ARHGAP6: variants seen among roughly 807,000 people sequenced by gnomAD.
The protein encoded by ARHGAP6 is rho GTPase-activating protein 6.
In ARHGAP6, 16 loss-of-function variants were observed where a neutral mutation model predicts 55.7. That is an observed-to-expected ratio of 0.29 (90% CI 0.19 to 0.44). The LOEUF is 0.44. ARHGAP6 is among the 20% of genes least tolerant of loss of function. The pLI, the probability that ARHGAP6 is intolerant of heterozygous loss-of-function variation, is 1.00. For synonymous variants in ARHGAP6, 382 were observed against 360.9 expected (o/e 1.06, Z -0.66); for missense variants, 698 against 808.9 (o/e 0.86, Z 1.66).
Position 11,460,403 on chromosome X carries a change from A to G in ARHGAP6, c.588+203838T>C, listed in dbSNP as rs979704064. ...GAAGATGAGACAGCAGCCCTGGCTG[A>G]TACGTTCACTTAGGGTCATAGGACC... On this transcript the variant is annotated intron_variant, in intron 1 of 12. Coordinates refer to ENST00000337414, the MANE Select transcript of ARHGAP6 (RefSeq NM_013427.3). Among the ~76,000 whole-genome samples the G allele has an allele frequency of 2.7e-5, 3 of 111,613 alleles. No homozygotes were observed. In the Admixed American group the frequency reaches 2.8e-4, roughly 11 times the overall value.
At chrX:11,582,746 A>C (rs2051679645) in intron 1 of ARHGAP6, among the ~76,000 whole-genome samples, 1 of 111,856 alleles carries the variant, frequency 8.9e-6, no homozygotes, top group Non-Finnish European at 1.9e-5. Flanking sequence ...AATTGCTAAG[A>C]GAATAATCTT....
At chrX:11,199,612 C>A (rs188742648) in intron 2 of ARHGAP6, among the ~76,000 whole-genome samples, 17 of 112,196 alleles carry the variant, frequency 1.5e-4, no homozygotes, top group Admixed American at 1.3e-3. Flanking sequence ...CATTTGTATT[C>A]CCACAAATAT....
At chrX:11,619,966 T>C (rs1429280756) in intron 1 of ARHGAP6, among the ~76,000 whole-genome samples, 1 of 112,275 alleles carries the variant, frequency 8.9e-6, no homozygotes, top group African/African-American at 3.2e-5. Context: ...GTATTATAAC[T>C]AACTACAGGC....
intron 1 of ARHGAP6, among the ~76,000 whole-genome samples, chrX:11,464,014 G>A (rs2050269904): frequency 8.9e-6 from 1 of 112,143 alleles, no homozygotes; most frequent in Admixed American, 9.4e-5. Flanking sequence ...CACTATTCCA[G>A]TCTCATCTAA....
intron 1 of ARHGAP6, among the ~76,000 whole-genome samples, chrX:11,480,747 A>G (rs1233258568): frequency 1.8e-5 from 2 of 111,674 alleles, no homozygotes; most frequent in Non-Finnish European, 3.8e-5. Context: ...TCAGCAATAC[A>G]CACACTGTAA....
At chrX:11,612,505 G>A (rs1405738170) in intron 1 of ARHGAP6, among the ~76,000 whole-genome samples, 1 of 111,599 alleles carries the variant, frequency 9.0e-6, no homozygotes, top group Non-Finnish European at 1.9e-5. Context: ...GGAGCCTTTG[G>A]AAGGCCCTAG....
intron 1 of ARHGAP6, among the ~76,000 whole-genome samples, chrX:11,615,277 C>T (rs1286726494): frequency 1.8e-5 from 2 of 111,639 alleles, no homozygotes; most frequent in African/African-American, 6.5e-5. Context: ...GACTCTTTTC[C>T]AAGCACCACT....
chrX:11,354,327 CTATATA>C (rs1174449401), intron 1 of ARHGAP6, among the ~76,000 whole-genome samples: 684 of 32,282 alleles, frequency 0.021, 7 homozygotes, highest in Admixed American at 0.039. Context: ...CTCTCTCTCT[CTATATA>C]TATATATATA....
chrX:11,381,346 T>TATTTTA (rs1200154911), intron 1 of ARHGAP6, among the ~76,000 whole-genome samples: 11 of 112,593 alleles, frequency 9.8e-5, no homozygotes, highest in African/African-American at 3.2e-4. Context: ...GCTTAAAATC[T>TATTTTA]AGTTCCATGG....
intron 1 of ARHGAP6, among the ~76,000 whole-genome samples, chrX:11,289,886 G>GA (rs2047965418): frequency 8.9e-6 from 1 of 111,757 alleles, no homozygotes; most frequent in Non-Finnish European, 1.9e-5. Context: ...TTGGGAGGCT[G>GA]AGGCAGGAGA....
chrX:11,413,702 T>G (rs1230206848), intron 1 of ARHGAP6, among the ~76,000 whole-genome samples: 4 of 112,490 alleles, frequency 3.6e-5, no homozygotes, highest in Non-Finnish European at 7.5e-5. Context: ...TTTCTGAGTT[T>G]AAGTCTCCCT....
In ARHGAP6 at chrX:11,140,246, G is replaced by A. The variant is rs184191465; in HGVS notation, c.2258-716C>T. ...ACCCTGGCTAACACAGTGAAACCCC[G>A]TCTCCACTAAAAATACAAAAAATTA... On this transcript the variant is annotated intron_variant, in intron 12 of 12. Transcript: ENST00000337414. 1.4e-3 allele frequency among the ~76,000 whole-genome samples: 143 copies of A among 105,456 alleles called. No individual in the cohort carries two copies. In the East Asian group the frequency reaches 0.029, roughly 21 times the overall value. 91.6% of individuals were successfully genotyped at this position (105,456 alleles called of 115,157 possible).
At chrX:11,267,854 GA>G (rs1035779594) in intron 1 of ARHGAP6, among the ~76,000 whole-genome samples, 2 of 112,090 alleles carry the variant, frequency 1.8e-5, no homozygotes, top group African/African-American at 6.5e-5. Context: ...AAAACATAAA[GA>G]TAAGGAATCC....
In ARHGAP6 at chrX:11,369,738, T is replaced by A. The variant is rs919253599; in HGVS notation, c.589-115031A>T. On this transcript the variant is annotated intron_variant, in intron 1 of 12. Transcript: ENST00000337414. ...TTGTCATCATCACAGTTATCAAGTG[T>A]AGTTTGAATTCCTCCCCCGTTTTCT... is the stretch of plus-strand genomic sequence containing the variant. Among the ~76,000 whole-genome samples, 3 of 112,413 alleles carry A rather than the reference T, an allele frequency of 2.7e-5. No homozygotes were observed. In the East Asian group the frequency reaches 8.4e-4, roughly 31 times the overall value.
intron 1 of ARHGAP6, among the ~76,000 whole-genome samples, chrX:11,643,229 T>TA (rs1365015508): frequency 2.7e-5 from 3 of 111,946 alleles, no homozygotes; most frequent in South Asian, 3.7e-4. Flanking sequence ...AAAGCTATTG[T>TA]AAAAAAATAA....
intron 1 of ARHGAP6, among the ~76,000 whole-genome samples, chrX:11,549,758 A>G (rs1392133256): frequency 8.9e-6 from 1 of 112,780 alleles, no homozygotes; most frequent in Non-Finnish European, 1.9e-5. Context: ...TCTGAAAATT[A>G]CTTACTGCCA....
chrX:11,664,537 G>A lies in ARHGAP6; in HGVS notation c.292C>T (p.Pro98Ser), dbSNP rs1035029406. The A allele has an allele frequency of 4.2e-6, 5 of 1,199,574 alleles. No homozygotes were observed. In the African/African-American group the frequency reaches 7.0e-5, roughly 17 times the overall value. The change falls in exon 1 of 13, where the codon CCT becomes TCT. Residue 98 changes from proline to serine, a missense_variant. Pro to Ser is a moderately conservative substitution (Grantham distance 74, BLOSUM62 -1). Transcript: ENST00000337414. Reference protein sequence around the residue: ...PRATRLPPPGPLCSSFSTPST... With the variant: ...PRATRLPPPGSLCSSFSTPST... ...GGTGTGGAGAAGGACGAGCAAAGAG[G>A]TCCAGGAGGCGGTAGCCTGGTGGCC...
intron 1 of ARHGAP6, among the ~76,000 whole-genome samples, chrX:11,297,947 C>T (rs1448087220): frequency 8.9e-6 from 1 of 112,604 alleles, no homozygotes; most frequent in Non-Finnish European, 1.9e-5. Flanking sequence ...TAATGAATCT[C>T]TTTAACTCCC....
intron 1 of ARHGAP6, among the ~76,000 whole-genome samples, chrX:11,409,878 T>C (rs2049658839): frequency 1.8e-5 from 2 of 111,966 alleles, no homozygotes; most frequent in African/African-American, 6.5e-5. Context: ...AAGATTGAGG[T>C]TGGAGGATTC....
Sources: gnomAD v4.1 joint callset for allele counts (sites outside exome capture counted in the v4.1 genomes callset) on GRCh38, gnomAD v4.1.1 for gene constraint, MANE v1.5 for transcripts, NCBI Gene and HGNC (gene_info 2026-07-23, HGNC 2026-07-21) for gene names.